The following ADK variants were observed in gnomAD, a reference collection of about 807,000 sequenced individuals.
ADK encodes N6,N6-dimethyladenosine kinase.
A neutral mutation model predicts 44.7 loss-of-function variants in ADK; 24 were observed. That is an observed-to-expected ratio of 0.54 (90% CI 0.39 to 0.76). The LOEUF (loss-of-function observed/expected upper bound fraction) is 0.76, where lower values mean the gene tolerates loss of function less well. ADK is among the 30% of genes least tolerant of loss of function. ADK has a pLI of 0.00. For missense variants in ADK, 321 were observed against 425.1 expected, an observed-to-expected ratio of 0.76 and a Z score of 2.15; for synonymous variants, 128 against 142.6, an observed-to-expected ratio of 0.90 and a Z score of 0.73.
intron 7 of ADK, among the ~76,000 whole-genome samples, chr10:74,587,576 G>A (rs889523683): frequency 2.0e-5 from 3 of 152,132 alleles, no homozygotes; most frequent in Non-Finnish European, 4.4e-5. Context: ...GACACTGACT[G>A]TACTTTCTGC....
At chr10:74,348,553 C>T (rs186920109) in intron 4 of ADK, among the ~76,000 whole-genome samples, 1 of 152,074 alleles carries the variant, frequency 6.6e-6, no homozygotes, top group Non-Finnish European at 1.5e-5. Flanking sequence ...CAGCTCCTCT[C>T]CAGCAAGGGC....
chr10:74,696,047 G>A (rs1373920054), intron 10 of ADK, among the ~76,000 whole-genome samples: 1 of 151,910 alleles, frequency 6.6e-6, no homozygotes, highest in African/African-American at 2.4e-5. Context: ...TTGATACAGA[G>A]TCTTACTCTG....
At chr10:74,596,487 C>G (rs1423438379) in intron 8 of ADK, among the ~76,000 whole-genome samples, 1 of 152,038 alleles carries the variant, frequency 6.6e-6, no homozygotes, top group Non-Finnish European at 1.5e-5. Flanking sequence ...CTGCTGGGCT[C>G]AAGCAATCTG....
At chr10:74,263,092 A>G (rs1564623030) in intron 3 of ADK, among the ~76,000 whole-genome samples, 4 of 152,198 alleles carry the variant, frequency 2.6e-5, no homozygotes, top group African/African-American at 9.6e-5. Flanking sequence ...TCCATGAATT[A>G]TCCCACAGGT....
intron 4 of ADK, among the ~76,000 whole-genome samples, chr10:74,321,489 A>G (rs780107421): frequency 5.3e-5 from 8 of 152,006 alleles, no homozygotes; most frequent in Non-Finnish European, 1.2e-4. Flanking sequence ...TTGCCATATT[A>G]ACCGGGCTGG....
intron 9 of ADK, among the ~76,000 whole-genome samples, chr10:74,602,243 G>A (rs535278721): frequency 6.6e-6 from 1 of 151,534 alleles, no homozygotes; most frequent in East Asian, 1.9e-4. Flanking sequence ...AGAGAGAAAA[G>A]AAACCATGAA....
chr10:74,579,299 C>T (rs973859176), intron 7 of ADK, among the ~76,000 whole-genome samples: 1 of 151,528 alleles, frequency 6.6e-6, no homozygotes, highest in Non-Finnish European at 1.5e-5. Flanking sequence ...GTGGTCTTGT[C>T]CAAAAAATGT....
At chr10:74,621,977 T>G (rs1853010471) in intron 9 of ADK, among the ~76,000 whole-genome samples, 1 of 152,194 alleles carries the variant, frequency 6.6e-6, no homozygotes, top group Non-Finnish European at 1.5e-5. Flanking sequence ...AAATTTTATC[T>G]GTTTTGTGTA....
chr10:74,628,756 T>C lies in ADK; in HGVS notation c.877+28263T>C, dbSNP rs189106217. On this transcript the variant is annotated intron_variant, in intron 9 of 10. Transcript: ENST00000539909. ...TGTCACTTGGAGAAGTCTATTCTTA[T>C]GTAAAAGGAGTTATATTGGTCTTCT... Among the ~76,000 whole-genome samples, 7 of 152,208 alleles carry C rather than the reference T, an allele frequency of 4.6e-5. No individual in the cohort carries two copies. In the East Asian group the frequency reaches 1.2e-3, roughly 26 times the overall value.
intron 1 of ADK, among the ~76,000 whole-genome samples, chr10:74,166,401 A>G (rs1842035217): frequency 6.6e-6 from 1 of 151,872 alleles, no homozygotes; most frequent in Admixed American, 6.6e-5. Context: ...GCTCACTGTA[A>G]CATTCACCTC....
At chr10:74,174,642 C>T (rs12414280) in intron 1 of ADK, 76,897 of 151,688 alleles carry the variant, frequency 0.51, 20,456 homozygotes, top group Non-Finnish European at 0.59. Context: ...GCCAGTGTCT[C>T]CACCACTGTG....
At chr10:74,240,626 G>A (rs1845174429) in intron 3 of ADK, among the ~76,000 whole-genome samples, 3 of 152,100 alleles carry the variant, frequency 2.0e-5, no homozygotes, top group Admixed American at 6.5e-5. Flanking sequence ...CCTAAGACTT[G>A]TAGGCCATTG....
intron 3 of ADK, 98 bp downstream of exon 3, chr10:74,224,689 CAA>C (rs1564604142): frequency 3.1e-6 from 3 of 965,690 alleles, no homozygotes; most frequent in Non-Finnish European, 4.9e-6. Context: ...TATATAATGA[CAA>C]AGTATAATTA....
chr10:74,611,019 T>C lies in ADK; in HGVS notation c.877+10526T>C, dbSNP rs146215640. ...TAAATAGGTCCACTGAAAAATAAAC[T>C]GTAGATTTTTCTGTTTCGTTTGTTT... On this transcript the variant is annotated intron_variant, in intron 9 of 10. Coordinates refer to ENST00000539909, the MANE Select transcript of ADK (RefSeq NM_006721.4). Among the ~76,000 whole-genome samples the C allele has an allele frequency of 4.6e-5, 7 of 152,134 alleles. No homozygotes were observed. The East Asian group carries it at 1.4e-3, about 29-fold the overall frequency.
At chr10:74,661,329 A>T (rs1394997454) in intron 9 of ADK, 15 of 954,278 alleles carry the variant, frequency 1.6e-5, no homozygotes, top group Non-Finnish European at 1.7e-5. Context: ...CTTTGGGATC[A>T]TATTTTACTA....
chr10:74,238,845 T>G (rs1338852522), intron 3 of ADK, among the ~76,000 whole-genome samples: 1 of 148,568 alleles, frequency 6.7e-6, no homozygotes, highest in Non-Finnish European at 1.5e-5. Flanking sequence ...AAACTGCCAC[T>G]TTAGCTAGTG....
At chr10:74,465,935 G>A (rs1245520850) in intron 6 of ADK, among the ~76,000 whole-genome samples, 1 of 152,110 alleles carries the variant, frequency 6.6e-6, no homozygotes, top group Non-Finnish European at 1.5e-5. Context: ...GTTTATGATA[G>A]ATGGATTTTT....
intron 6 of ADK, among the ~76,000 whole-genome samples, chr10:74,419,265 G>A (rs886193949): frequency 6.6e-6 from 1 of 151,918 alleles, no homozygotes; most frequent in Non-Finnish European, 1.5e-5. Flanking sequence ...AATATTTTTG[G>A]TATGTACAAT....
intron 4 of ADK, among the ~76,000 whole-genome samples, chr10:74,315,281 A>G (rs1840577497): frequency 6.6e-6 from 1 of 152,168 alleles, no homozygotes; most frequent in Admixed American, 6.5e-5. Flanking sequence ...ACATAAATGT[A>G]CATTCATATA....
Sources: allele counts gnomAD v4.1 joint callset (sites outside exome capture counted in the v4.1 genomes callset), GRCh38; gene constraint gnomAD v4.1.1; transcripts MANE v1.5; gene names NCBI Gene and HGNC (gene_info 2026-07-23, HGNC 2026-07-21).